The following EYS variants were observed in gnomAD, a reference collection of about 807,000 sequenced individuals.
EYS encodes protein eyes shut homolog.
Under a neutral mutation model 282.1 loss-of-function variants are expected in EYS, and 250 were observed. The ratio of observed to expected loss-of-function variants is 0.89; its 90% CI spans 0.80 to 0.98. The LOEUF is 0.98. Ranked by LOEUF, EYS falls within the 50% of genes least tolerant of loss-of-function variation. The pLI, the probability that EYS is intolerant of heterozygous loss-of-function variation, is 0.00. For missense variants in EYS, 4,016 were observed against 3,709.0 expected, an observed-to-expected ratio of 1.08 and a Z score of -2.15; for synonymous variants, 1,355 against 1,282.9, an observed-to-expected ratio of 1.06 and a Z score of -1.20.
At chr6:63,796,055 C>T (rs1770637203) in intron 37 of EYS, among the ~76,000 whole-genome samples, 1 of 152,044 alleles carries the variant, frequency 6.6e-6, no homozygotes, top group Admixed American at 6.6e-5. Flanking sequence ...TTAATGAAAC[C>T]CTCAAAGGAA....
chr6:64,816,809 A>G (rs1764752429), intron 21 of EYS, among the ~76,000 whole-genome samples: 2 of 152,092 alleles, frequency 1.3e-5, no homozygotes, highest in Admixed American at 6.6e-5. Context: ...GAATGAACTC[A>G]AACTTCTGTA....
chr6:64,812,228 A>G (rs1160191380), intron 22 of EYS, among the ~76,000 whole-genome samples: 1 of 141,246 alleles, frequency 7.1e-6, no homozygotes, highest in Non-Finnish European at 1.5e-5. Flanking sequence ...TACGAGAAAG[A>G]AGGATTTAAA....
chr6:64,056,389 TTGG>T (rs1770985962), intron 33 of EYS, among the ~76,000 whole-genome samples: 1 of 152,214 alleles, frequency 6.6e-6, no homozygotes, highest in Non-Finnish European at 1.5e-5. Context: ...GATTCGCCTG[TTGG>T]TGATTTCTGT....
chr6:64,994,974 C>A (rs1198028216), intron 14 of EYS, among the ~76,000 whole-genome samples: 3 of 152,100 alleles, frequency 2.0e-5, no homozygotes, highest in Non-Finnish European at 1.5e-5. Flanking sequence ...TTTGGAATAT[C>A]CTGACAGATA....
chr6:65,533,464 A>T (rs561976924), intron 2 of EYS, among the ~76,000 whole-genome samples: 20 of 152,104 alleles, frequency 1.3e-4, no homozygotes, highest in Non-Finnish European at 2.5e-4. Context: ...AAAAGAGGGA[A>T]TCCTTCTTAA....
At chr6:63,986,809 G>GA (rs1767389180) in intron 34 of EYS, among the ~76,000 whole-genome samples, 1 of 151,494 alleles carries the variant, frequency 6.6e-6, no homozygotes, top group Admixed American at 6.6e-5. Context: ...TAGGGGAGCA[G>GA]AAAAAATAAC....
chr6:65,420,981 A>C (rs548273839), intron 5 of EYS, among the ~76,000 whole-genome samples: 149 of 151,916 alleles, frequency 9.8e-4, no homozygotes, highest in Non-Finnish European at 2.0e-3. Flanking sequence ...CCATTTCTAG[A>C]GGGCAGGCAG....
chr6:64,122,973 G>A (rs141440253), intron 31 of EYS, among the ~76,000 whole-genome samples: 1 of 151,798 alleles, frequency 6.6e-6, no homozygotes, highest in East Asian at 1.9e-4. Context: ...CTTGTATATT[G>A]TAAGTATTGT....
chr6:64,444,988 T>A (rs1160856526), intron 26 of EYS, among the ~76,000 whole-genome samples: 1 of 152,234 alleles, frequency 6.6e-6, no homozygotes, highest in Non-Finnish European at 1.5e-5. Context: ...TGCTGAACCA[T>A]GAACCAATTA....
chr6:64,460,214 A>C (rs1186763778), intron 26 of EYS, among the ~76,000 whole-genome samples: 2 of 152,212 alleles, frequency 1.3e-5, no homozygotes, highest in Non-Finnish European at 1.5e-5. Flanking sequence ...CTATGGCACA[A>C]AATGTGGATA....
chr6:63,860,402 A>C (rs1050730001), intron 36 of EYS, among the ~76,000 whole-genome samples: 1 of 152,248 alleles, frequency 6.6e-6, no homozygotes, highest in South Asian at 2.1e-4. Context: ...TACTCTCAGC[A>C]GTCTTGCATG....
Position 63,984,476 on chromosome 6 carries a change from A to T in EYS, c.6962T>A (p.Ile2321Asn). Residue 2321 changes from isoleucine to asparagine, a missense_variant, in exon 35 of 43, where the codon ATC (isoleucine) becomes AAC (asparagine). Physicochemically the swap from Ile to Asn is moderately radical, Grantham distance 149. Transcript: ENST00000503581. The part of the protein sequence containing the change: ...DLQVNNKEFF[I>N]IDEARHGKNI... ...CTTTCCATGTCGTGCTTCATCGATGATGAAGAATTCTTTGTTGTTTACTTG... is the reference window on the plus strand; with the variant it reads ...CTTTCCATGTCGTGCTTCATCGATGTTGAAGAATTCTTTGTTGTTTACTTG... 1 of 1,549,734 alleles carries T rather than the reference A, an allele frequency of 6.5e-7. No individual in the cohort carries two copies. Among genetic ancestry groups the T allele is most frequent in the African/African-American group, 1.4e-5 (1 of 72,948 alleles).
At chr6:63,985,550 T>C (rs1767315630) in intron 34 of EYS, among the ~76,000 whole-genome samples, 1 of 151,726 alleles carries the variant, frequency 6.6e-6, no homozygotes, top group South Asian at 2.1e-4. Context: ...GTTGAAAATG[T>C]TACCGTTTCC....
At chr6:64,612,533 T>C (rs1211369598) in intron 24 of EYS, among the ~76,000 whole-genome samples, 1 of 152,146 alleles carries the variant, frequency 6.6e-6, no homozygotes, top group Non-Finnish European at 1.5e-5. Flanking sequence ...TACTTTAATC[T>C]TGTTTGGAAT....
At chr6:65,676,826 T>G (rs1768618754) in intron 1 of EYS, among the ~76,000 whole-genome samples, 1 of 151,592 alleles carries the variant, frequency 6.6e-6, no homozygotes, top group East Asian at 1.9e-4. Context: ...CAAACCAAAT[T>G]CAGTAGTATC....
chr6:64,704,902 C>T lies in EYS; in HGVS notation c.3444-78657G>A, dbSNP rs541420152. Among the ~76,000 whole-genome samples, 6 of 152,170 alleles carry T rather than the reference C, an allele frequency of 3.9e-5. No individual in the cohort carries two copies. The South Asian group carries it at 1.2e-3, about 32-fold the overall frequency. On this transcript the variant is annotated intron_variant, in intron 22 of 42. Transcript: ENST00000503581. ...AACGGGGAAAAGTTAATAGCATTCC[C>T]GTTGAAAACTGGAACAAGACAAGGA...
intron 11 of EYS, among the ~76,000 whole-genome samples, chr6:65,298,784 G>A (rs566468834): frequency 5.8e-4 from 88 of 151,112 alleles, no homozygotes; most frequent in African/African-American, 2.0e-3. Flanking sequence ...AATATATAAT[G>A]CTCTGAAATT....
chr6:64,844,939 GAC>G (rs1765674408), intron 19 of EYS, among the ~76,000 whole-genome samples: 1 of 151,958 alleles, frequency 6.6e-6, no homozygotes, highest in South Asian at 2.1e-4. Context: ...TTAGCTATTA[GAC>G]ACAGACACAT....
At chr6:63,775,348 A>C (rs1047133957) in intron 40 of EYS, among the ~76,000 whole-genome samples, 12 of 152,176 alleles carry the variant, frequency 7.9e-5, no homozygotes, top group African/African-American at 2.9e-4. Context: ...TGTTGTTTTA[A>C]ATTTATAACA....
Sources: gnomAD v4.1 joint callset for allele counts (sites outside exome capture counted in the v4.1 genomes callset) on GRCh38, gnomAD v4.1.1 for gene constraint, MANE v1.5 for transcripts, NCBI Gene and HGNC (gene_info 2026-07-23, HGNC 2026-07-21) for gene names.